The following SETBP1 variants were observed in gnomAD, a reference collection of about 807,000 sequenced individuals.
SETBP1 encodes SET-binding protein.
A neutral mutation model predicts 101.0 loss-of-function variants in SETBP1; 9 were observed. The ratio of observed to expected loss-of-function variants is 0.09; its 90% CI spans 0.05 to 0.16. The LOEUF (loss-of-function observed/expected upper bound fraction) is 0.16. SETBP1 is among the 10% of genes least tolerant of loss of function. The probability of loss-of-function intolerance (pLI) is 1.00; values close to 1 mark genes in which losing one functional copy is unlikely to be tolerated. For missense variants in SETBP1, 1,858 were observed against 2,033.8 expected (o/e 0.91, Z 1.66); for synonymous variants, 818 against 788.5 (o/e 1.04, Z -0.63).
At chr18:44,886,791 T>G (rs1024883562) in intron 3 of SETBP1, among the ~76,000 whole-genome samples, 3 of 143,612 alleles carry the variant, frequency 2.1e-5, no homozygotes, top group Non-Finnish European at 4.6e-5. Flanking sequence ...ATTATTATTA[T>G]TAGTTAAAAG....
intron 4 of SETBP1, among the ~76,000 whole-genome samples, chr18:45,016,385 C>T (rs1382393353): frequency 1.3e-5 from 2 of 152,062 alleles, no homozygotes; most frequent in Non-Finnish European, 2.9e-5. Context: ...AGGACCCAGC[C>T]CATAGAGAAA....
intron 2 of SETBP1, among the ~76,000 whole-genome samples, chr18:44,771,275 T>G (rs1455582236): frequency 1.4e-5 from 2 of 147,070 alleles, no homozygotes; most frequent in Non-Finnish European, 3.0e-5. Flanking sequence ...ACTTCTGCAA[T>G]TAAGTGTCTT....
chr18:44,793,409 C>T (rs2144739304), intron 2 of SETBP1, among the ~76,000 whole-genome samples: 1 of 152,322 alleles, frequency 6.6e-6, no homozygotes, highest in South Asian at 2.1e-4. Context: ...ATTCTAATTT[C>T]CAGCCCTGGT....
intron 2 of SETBP1, among the ~76,000 whole-genome samples, chr18:44,780,291 G>A (rs898046437): frequency 3.3e-5 from 5 of 152,296 alleles, no homozygotes; most frequent in African/African-American, 1.2e-4. Context: ...GCTTTGAGGA[G>A]CCCTGAGCCC....
At chr18:44,815,702 C>T (rs545369835) in intron 2 of SETBP1, among the ~76,000 whole-genome samples, 10 of 152,308 alleles carry the variant, frequency 6.6e-5, no homozygotes, top group African/African-American at 2.2e-4. Flanking sequence ...TAGCTGCTCT[C>T]GTCAACCAAC....
At chr18:44,777,397 T>G (rs1184097659) in intron 2 of SETBP1, among the ~76,000 whole-genome samples, 1 of 152,222 alleles carries the variant, frequency 6.6e-6, no homozygotes, top group Non-Finnish European at 1.5e-5. Flanking sequence ...CCCCTAGCAC[T>G]TAGTAATCTC....
chr18:44,744,744 C>G (rs2070190516), intron 2 of SETBP1, among the ~76,000 whole-genome samples: 1 of 149,828 alleles, frequency 6.7e-6, no homozygotes, highest in Non-Finnish European at 1.5e-5. Context: ...CAGGGAGAGT[C>G]GCCTGCATCG....
At chr18:45,001,631 G>A (rs1323543046) in intron 4 of SETBP1, among the ~76,000 whole-genome samples, 1 of 152,166 alleles carries the variant, frequency 6.6e-6, no homozygotes, top group Non-Finnish European at 1.5e-5. Flanking sequence ...CATTTCTCTT[G>A]TACCATTTGT....
At chr18:44,907,545 A>G (rs2070203437) in intron 3 of SETBP1, among the ~76,000 whole-genome samples, 1 of 152,102 alleles carries the variant, frequency 6.6e-6, no homozygotes, top group Admixed American at 6.5e-5. Flanking sequence ...TATTATGGCC[A>G]CCCTAGAAGG....
chr18:44,735,144 A>G (rs10502840), intron 2 of SETBP1, among the ~76,000 whole-genome samples: 46,197 of 152,016 alleles, frequency 0.3, 7,167 homozygotes, highest in African/African-American at 0.33. Flanking sequence ...GTTGGTATAG[A>G]TGCAGAGGAT....
At chr18:44,883,670 AT>A (rs2069580076) in intron 3 of SETBP1, among the ~76,000 whole-genome samples, 1 of 152,202 alleles carries the variant, frequency 6.6e-6, no homozygotes, top group Non-Finnish European at 1.5e-5. Context: ...TTATGAAGCA[AT>A]TTTAAGTGCT....
At chr18:44,844,512 C>G (rs2072686984) in intron 2 of SETBP1, among the ~76,000 whole-genome samples, 1 of 152,156 alleles carries the variant, frequency 6.6e-6, no homozygotes, top group Non-Finnish European at 1.5e-5. Context: ...GAGGTTAAAG[C>G]AGAAGCTTAG....
intron 4 of SETBP1, among the ~76,000 whole-genome samples, chr18:45,000,416 C>T (rs1185030230): frequency 6.6e-6 from 1 of 152,044 alleles, no homozygotes; most frequent in Non-Finnish European, 1.5e-5. Context: ...CCATGTATTG[C>T]CCTGAGGTCT....
rs1338046488 is a variant in SETBP1, at chr18:44,717,705, A to G, written c.486+15873A>G. 2.0e-5 allele frequency among the ~76,000 whole-genome samples: 3 copies of G among 152,242 alleles called. No individual in the cohort carries two copies. The East Asian group carries it at 5.8e-4, about 29-fold the overall frequency. On this transcript the variant is annotated intron_variant, in intron 2 of 5. Transcript: ENST00000649279. ...ATGAAATCCAAAAAGCTGTTCTTAA[A>G]CACACCATTTCTTCCCTCCTCTCAC...
At chr18:44,922,434 G>A (rs533892445) in intron 3 of SETBP1, among the ~76,000 whole-genome samples, 1 of 152,316 alleles carries the variant, frequency 6.6e-6, no homozygotes, top group East Asian at 1.9e-4. Flanking sequence ...ACTTCACTGA[G>A]GTTCTAGGAA....
chr18:45,063,135 G>A lies in SETBP1; in HGVS notation c.4228G>A (p.Glu1410Lys). ...GCGGGAGATCGAAGCCATCCAGTGC[G>A]AAGTGCGGAAGATGTGCAACTACAC... ...KRREIEAIQC[E>K]VRKMCNYTKI... is the part of the protein sequence containing the mutation. Residue 1410 changes from glutamate (E) to lysine (K), a missense_variant, in exon 6 of 6, where the codon GAA (glutamate) becomes AAA (lysine). Glu to Lys is a moderately conservative substitution (Grantham distance 56). Transcript: ENST00000649279. The A allele has an allele frequency of 5.0e-6, 8 of 1,614,020 alleles. No homozygotes were observed. Among genetic ancestry groups the A allele is most frequent in the Non-Finnish European group, 5.9e-6 (7 of 1,179,994 alleles).
intron 2 of SETBP1, among the ~76,000 whole-genome samples, chr18:44,750,028 G>T (rs1470395154): frequency 2.0e-5 from 3 of 152,202 alleles, no homozygotes; most frequent in Non-Finnish European, 4.4e-5. Context: ...GAACAGGAAA[G>T]ATTTCAAGTG....
chr18:44,907,807 CT>C (rs2070210646), intron 3 of SETBP1, among the ~76,000 whole-genome samples: 1 of 152,262 alleles, frequency 6.6e-6, no homozygotes, highest in Admixed American at 6.5e-5. Flanking sequence ...TGTCTTTTCA[CT>C]TTCATGCCAG....
chr18:44,938,956 G>A lies in SETBP1; in HGVS notation c.541-10925G>A, dbSNP rs553664455. On this transcript the variant is annotated intron_variant, in intron 3 of 5. Transcript: ENST00000649279. ...TCTGCTGCTTGGCTTTGGAGTGTGT[G>A]CATGTGTGTGTGTGTGTGTGTGTGT... is the stretch of plus-strand genomic sequence containing the variant. Among the ~76,000 whole-genome samples the A allele has an allele frequency of 2.6e-3, 326 of 127,832 alleles. 3 individuals carry two copies. Among genetic ancestry groups the A allele is most frequent in the African/African-American group, 9.3e-3 (303 of 32,610 alleles). 83.9% of individuals were successfully genotyped at this position (127,832 alleles called of 152,430 possible).
Sources: gnomAD v4.1 joint callset for allele counts (sites outside exome capture counted in the v4.1 genomes callset) on GRCh38, gnomAD v4.1.1 for gene constraint, MANE v1.5 for transcripts, NCBI Gene and HGNC (gene_info 2026-07-23, HGNC 2026-07-21) for gene names.